Variants in FHIT observed in about 807,000 individuals in gnomAD.
FHIT encodes the protein fragile histidine triad diadenosine triphosphatase.
FHIT carries 19 observed loss-of-function variants against 17.9 expected under a neutral mutation model. The ratio of observed to expected loss-of-function variants is 1.06; its 90% CI spans 0.74 to 1.56. The LOEUF (loss-of-function observed/expected upper bound fraction) is 1.56, where lower values mean the gene tolerates loss of function less well. FHIT is among the 40% of genes most tolerant of loss of function. The pLI is 0.00. For missense variants in FHIT, 248 were observed against 189.2 expected (o/e 1.31, Z -1.82); for synonymous variants, 81 against 69.7 (o/e 1.16, Z -0.81).
rs548652406 is a variant in FHIT, at chr3:60,276,673, G to T, written c.103+260187C>A. ...ACTGGGTAATTTTTAAAGAAAAGAG[G>T]TTTATTTGGCTATGGATCTGTAGGC... On this transcript the variant is annotated intron_variant, in intron 5 of 9. Coordinates refer to ENST00000492590, the MANE Select transcript of FHIT (RefSeq NM_002012.4). Among the ~76,000 whole-genome samples the T allele has an allele frequency of 2.0e-5, 3 of 152,242 alleles. No individual in the cohort carries two copies. The South Asian group carries it at 6.2e-4, about 32-fold the overall frequency.
chr3:60,376,973 C>A (rs1441248255), intron 5 of FHIT, among the ~76,000 whole-genome samples: 1 of 152,144 alleles, frequency 6.6e-6, no homozygotes, highest in Non-Finnish European at 1.5e-5. Flanking sequence ...TTTGTTCATC[C>A]ATCCATTTAT....
At chr3:60,019,783 A>G (rs1417607719) in intron 5 of FHIT, among the ~76,000 whole-genome samples, 2 of 152,162 alleles carry the variant, frequency 1.3e-5, no homozygotes, top group Non-Finnish European at 2.9e-5. Flanking sequence ...TAGGGAGAGA[A>G]AGGTTACTTA....
At chr3:60,609,333 AT>A (rs5849380) in intron 4 of FHIT, among the ~76,000 whole-genome samples, 53,235 of 149,740 alleles carry the variant, frequency 0.36, 9,669 homozygotes, top group East Asian at 0.52. Flanking sequence ...TTTTTTATTT[AT>A]TTTTTTTTTG....
Position 61,247,917 on chromosome 3 carries a change from G to C in FHIT, c.-213+3384C>G, listed in dbSNP as rs1037850908. ...CCCTATTTTAAGAGAGAAAACCAAG[G>C]GCTAAGTAACCTGTCTAAAAGGCAC... On this transcript the variant is annotated intron_variant, in intron 1 of 9. Transcript: ENST00000492590. 2.6e-5 allele frequency among the ~76,000 whole-genome samples: 4 copies of C among 152,198 alleles called. No homozygotes were observed. In the East Asian group the frequency reaches 7.7e-4, roughly 29 times the overall value.
In FHIT at chr3:60,226,006, C is replaced by T. The variant is rs565161902; in HGVS notation, c.104-211854G>A. 3.3e-4 allele frequency among the ~76,000 whole-genome samples: 50 copies of T among 152,188 alleles called. 1 individual carries two copies. The highest frequency in any genetic ancestry group is 5.9e-4 in the Admixed American group (9 of 15,286). On this transcript the variant is annotated intron_variant, in intron 5 of 9. Transcript: ENST00000492590. ...GGCGCTCTGTTTATAAAACATAATA[C>T]GAATCATGGGACTAAGCTATTTAGC... is the stretch of plus-strand genomic sequence containing the variant.
intron 8 of FHIT, among the ~76,000 whole-genome samples, chr3:59,859,171 G>C (rs1185504044): frequency 6.6e-6 from 1 of 152,138 alleles, no homozygotes; most frequent in East Asian, 1.9e-4. Flanking sequence ...AAGAATGATG[G>C]GGAGATCTGG....
At chr3:60,396,906 T>C (rs879688307) in intron 5 of FHIT, among the ~76,000 whole-genome samples, 4 of 152,136 alleles carry the variant, frequency 2.6e-5, no homozygotes, top group Admixed American at 6.5e-5. Context: ...AGAATCACTA[T>C]AAAAAGGAAA....
At chr3:60,755,902 G>A (rs563655292) in intron 4 of FHIT, among the ~76,000 whole-genome samples, 2 of 152,158 alleles carry the variant, frequency 1.3e-5, no homozygotes, top group Admixed American at 1.3e-4. Context: ...AAGGAAAAAG[G>A]TTCCAGACAA....
At position 60,422,804 on chromosome 3, in the gene FHIT, A is replaced by C. The variant is rs1024345752; in HGVS notation, c.103+114056T>G. Reference sequence around the variant, plus strand: ...AAACTCCAAATATTAAAACTTTCTCATGGCTTTCCATCATCTTAAGAATGA... The same window carrying C: ...AAACTCCAAATATTAAAACTTTCTCCTGGCTTTCCATCATCTTAAGAATGA... On this transcript the variant is annotated intron_variant, in intron 5 of 9. Transcript: ENST00000492590. Among the ~76,000 whole-genome samples, 16 of 152,146 alleles carry C rather than the reference A, an allele frequency of 1.1e-4. 1 individual carries two copies. Among genetic ancestry groups the C allele is most frequent in the Admixed American group, 1.0e-3 (16 of 15,266 alleles).
At chr3:60,156,080 G>A (rs1241726893) in intron 5 of FHIT, among the ~76,000 whole-genome samples, 1 of 152,186 alleles carries the variant, frequency 6.6e-6, no homozygotes, top group Non-Finnish European at 1.5e-5. Context: ...AGGGCCGGGT[G>A]TGGGGGCTCA....
intron 5 of FHIT, among the ~76,000 whole-genome samples, chr3:60,270,689 T>G (rs188961918): frequency 2.7e-4 from 41 of 152,314 alleles, no homozygotes; most frequent in African/African-American, 9.4e-4. Context: ...TGGGCCAAGA[T>G]TCTAGGCAGA....
intron 8 of FHIT, among the ~76,000 whole-genome samples, chr3:59,854,663 C>A (rs1305962362): frequency 1.3e-5 from 2 of 152,098 alleles, no homozygotes; most frequent in Non-Finnish European, 1.5e-5. Context: ...AAACTGAGGT[C>A]TGGGGAATAG....
intron 4 of FHIT, among the ~76,000 whole-genome samples, chr3:60,608,066 G>C (rs534490660): frequency 2.6e-5 from 4 of 152,284 alleles, no homozygotes; most frequent in African/African-American, 7.2e-5. Context: ...AGCTCCATCT[G>C]GAGCACTCTG....
chr3:60,268,411 G>A (rs565771456), intron 5 of FHIT, among the ~76,000 whole-genome samples: 4 of 152,214 alleles, frequency 2.6e-5, no homozygotes, highest in African/African-American at 9.6e-5. Flanking sequence ...CTTGTTTATG[G>A]CTGTATATCC....
chr3:60,791,596 T>C (rs570054057), intron 4 of FHIT, among the ~76,000 whole-genome samples: 9 of 152,250 alleles, frequency 5.9e-5, no homozygotes, highest in South Asian at 4.1e-4. Flanking sequence ...ATTCCAGCTG[T>C]CCAGAAGCTT....
chr3:59,873,309 G>C (rs73839556), intron 8 of FHIT, among the ~76,000 whole-genome samples: 2,921 of 152,262 alleles, frequency 0.019, 88 homozygotes, highest in African/African-American at 0.065. Context: ...TGGATGGATG[G>C]GTAGATGGAC....
chr3:60,599,704 C>T lies in FHIT; in HGVS notation c.-17-62725G>A, dbSNP rs374333799. The stretch of plus-strand genomic sequence containing the variant: ...CAAGTTAAAAAAAAAAAAAGGAATG[C>T]AATACTACCAGAAGTCCTAATGGTA... On this transcript the variant is annotated intron_variant, in intron 4 of 9. Transcript: ENST00000492590. Among the ~76,000 whole-genome samples the T allele has an allele frequency of 2.9e-5, 4 of 139,610 alleles. 1 individual carries two copies. Among genetic ancestry groups the T allele is most frequent in the South Asian group, 2.4e-4 (1 of 4,250 alleles). The allele number at this position is 139,610 out of a possible 152,430, so 91.6% of individuals were successfully genotyped here.
In FHIT at chr3:61,214,426, C is replaced by T. The variant is rs551767900; in HGVS notation, c.-212-13761G>A. Among the ~76,000 whole-genome samples, 6 of 152,162 alleles carry T rather than the reference C, an allele frequency of 3.9e-5. No homozygotes were observed. In the South Asian group the frequency reaches 6.2e-4, roughly 16 times the overall value. On this transcript the variant is annotated intron_variant, in intron 1 of 9. Transcript: ENST00000492590. ...ATCTAGAAGAAATGGATAAATTCCT[C>T]GACACATACACCCTCCCAAGACTAA... is the stretch of plus-strand genomic sequence containing the variant.
intron 7 of FHIT, among the ~76,000 whole-genome samples, chr3:59,925,918 G>A (rs1195642447): frequency 6.6e-6 from 1 of 152,134 alleles, no homozygotes; most frequent in Non-Finnish European, 1.5e-5. Flanking sequence ...TGATAAAAAC[G>A]CTATGAATAG....
Sources: allele counts gnomAD v4.1 joint callset (sites outside exome capture counted in the v4.1 genomes callset), GRCh38; gene constraint gnomAD v4.1.1; transcripts MANE v1.5; gene names NCBI Gene and HGNC (gene_info 2026-07-23, HGNC 2026-07-21).